PCSK2: variants seen among roughly 807,000 people sequenced by gnomAD.
PCSK2 encodes neuroendocrine convertase 2.
In PCSK2, 14 loss-of-function variants were observed where a neutral mutation model predicts 69.7. That is an observed-to-expected ratio of 0.20 (90% CI 0.13 to 0.31). PCSK2 has a LOEUF of 0.31. PCSK2 is among the 10% of genes least tolerant of loss of function. The pLI is 1.00. For missense variants in PCSK2, 544 were observed against 842.5 expected (o/e 0.65, Z 4.39); for synonymous variants, 307 against 320.7 (o/e 0.96, Z 0.46).
chr20:17,383,052 C>T (rs575750134), intron 5 of PCSK2, among the ~76,000 whole-genome samples: 172 of 152,294 alleles, frequency 1.1e-3, no homozygotes, highest in South Asian at 2.7e-3. Context: ...GAGGATGAGG[C>T]CACGGGGATC....
chr20:17,246,061 C>A (rs1243470011), intron 1 of PCSK2, among the ~76,000 whole-genome samples: 1 of 152,148 alleles, frequency 6.6e-6, no homozygotes. Context: ...ATTTACTCAG[C>A]AGGTATCTAT....
chr20:17,482,032 G>C lies in PCSK2; in HGVS notation c.1879G>C (p.Val627Leu). The change falls in exon 12 of 12, where the codon GTG (valine) becomes CTG (leucine). Residue 627 changes from valine to leucine, a missense_variant. Val to Leu is a conservative substitution (Grantham distance 32). Transcript: ENST00000262545. ...EELEEELDEA[V>L]ERSLKSILNK... ...GCTGGAGGAAGAGCTGGACGAAGCC[G>C]TGGAGAGAAGCCTGAAAAGCATCCT... 1 of 1,605,580 alleles carries C rather than the reference G, an allele frequency of 6.2e-7. No individual in the cohort carries two copies. The highest frequency in any genetic ancestry group is 8.5e-7 in the Non-Finnish European group (1 of 1,177,064).
intron 8 of PCSK2, among the ~76,000 whole-genome samples, chr20:17,450,295 TG>T (rs2123376062): frequency 6.6e-6 from 1 of 152,260 alleles, no homozygotes; most frequent in African/African-American, 2.4e-5. Flanking sequence ...CCCAAAGTGC[TG>T]GGATTACAGG....
Position 17,483,595 on chromosome 20 carries a change from A to G in PCSK2, c.*1525A>G, listed in dbSNP as rs1230021743. 6.6e-6 allele frequency: 1 copy of G among 152,226 alleles called. No homozygotes were observed. The highest frequency in any genetic ancestry group is 1.5e-5 in the Non-Finnish European group (1 of 68,022). The allele number at this position is 152,226 out of a possible 1,614,324, so 9.4% of individuals were successfully genotyped here. ...CTTCAAGCCAGCAACACAGAGCACT[A>G]GGTTCAATTCCCTGAAGGTGGCCAC... is the stretch of plus-strand genomic sequence containing the variant. On this transcript the variant is annotated 3_prime_UTR_variant, in exon 12 of 12. Coordinates refer to ENST00000262545, the MANE Select transcript of PCSK2 (RefSeq NM_002594.5).
chr20:17,427,763 TGA>T (rs567969091), intron 6 of PCSK2, among the ~76,000 whole-genome samples: 150 of 152,294 alleles, frequency 9.8e-4, no homozygotes, highest in African/African-American at 3.5e-3. Context: ...TGGTTTAGGA[TGA>T]CCTCACTCAC....
chr20:17,444,496 TG>T (rs1335951896), intron 8 of PCSK2, among the ~76,000 whole-genome samples: 1 of 152,208 alleles, frequency 6.6e-6, no homozygotes, highest in East Asian at 1.9e-4. Context: ...GTCTATGTGT[TG>T]GGTTTACAGT....
chr20:17,462,660 G>A (rs1431067063), intron 10 of PCSK2, among the ~76,000 whole-genome samples: 1 of 152,178 alleles, frequency 6.6e-6, no homozygotes, highest in Non-Finnish European at 1.5e-5. Context: ...GAGTTAGCAC[G>A]ATGCCTGAAT....
chr20:17,328,983 A>T (rs1444341513), intron 2 of PCSK2, among the ~76,000 whole-genome samples: 1 of 152,202 alleles, frequency 6.6e-6, no homozygotes, highest in African/African-American at 2.4e-5. Flanking sequence ...GATGAATTAG[A>T]GTTCTTTGGT....
At chr20:17,422,766 G>A (rs1189052032) in intron 6 of PCSK2, among the ~76,000 whole-genome samples, 3 of 152,150 alleles carry the variant, frequency 2.0e-5, no homozygotes, top group Non-Finnish European at 4.4e-5. Context: ...TGAGATTGTA[G>A]GGTTAGCATA....
intron 6 of PCSK2, among the ~76,000 whole-genome samples, chr20:17,410,487 C>T (rs1350346585): frequency 1.3e-5 from 2 of 151,982 alleles, no homozygotes; most frequent in Middle Eastern, 3.2e-3. Context: ...GTTCTGAGTA[C>T]AAATGCAGAA....
chr20:17,265,327 A>G (rs1987555548), intron 2 of PCSK2, among the ~76,000 whole-genome samples: 2 of 152,144 alleles, frequency 1.3e-5, no homozygotes, highest in African/African-American at 4.8e-5. Context: ...GTGCCTTTTT[A>G]AGGGATTTAT....
intron 5 of PCSK2, among the ~76,000 whole-genome samples, chr20:17,401,347 G>C (rs567203685): frequency 1.3e-5 from 2 of 152,276 alleles, no homozygotes; most frequent in East Asian, 1.9e-4. Context: ...GTGAAGGCCT[G>C]TTCCTCATAC....
chr20:17,347,943 AGAAAGAAAGAAAG>A, intron 2 of PCSK2, among the ~76,000 whole-genome samples: 1 of 29,558 alleles, frequency 3.4e-5, no homozygotes, highest in Non-Finnish European at 7.2e-5. Context: ...AGAGAAAGAA[AGAAAGAAAGAAAG>A]AAAGAGAAAG....
intron 2 of PCSK2, among the ~76,000 whole-genome samples, chr20:17,334,713 T>G (rs919059592): frequency 6.6e-6 from 1 of 152,170 alleles, no homozygotes; most frequent in Non-Finnish European, 1.5e-5. Flanking sequence ...GTAGAAGACC[T>G]GGAACCACAG....
At chr20:17,328,518 A>G (rs1013796288) in intron 2 of PCSK2, among the ~76,000 whole-genome samples, 10 of 151,736 alleles carry the variant, frequency 6.6e-5, no homozygotes, top group African/African-American at 2.2e-4. Flanking sequence ...AATTTAGTAC[A>G]TATTTATTAG....
At chr20:17,422,124 A>T (rs2032144626) in intron 6 of PCSK2, among the ~76,000 whole-genome samples, 1 of 152,220 alleles carries the variant, frequency 6.6e-6, no homozygotes, top group Non-Finnish European at 1.5e-5. Context: ...TGAAAAATAC[A>T]GCCTGTGGAA....
intron 8 of PCSK2, among the ~76,000 whole-genome samples, chr20:17,446,551 C>T (rs2032702354): frequency 1.3e-5 from 2 of 152,160 alleles, no homozygotes; most frequent in South Asian, 2.1e-4. Context: ...ATTTAGCAAG[C>T]AGCAGCAATG....
intron 2 of PCSK2, among the ~76,000 whole-genome samples, chr20:17,308,227 C>T (rs1989390113): frequency 6.6e-6 from 1 of 152,208 alleles, no homozygotes; most frequent in East Asian, 1.9e-4. Flanking sequence ...GGGAAACCCA[C>T]TCCCCTGACC....
intron 2 of PCSK2, among the ~76,000 whole-genome samples, chr20:17,278,647 C>A (rs1223608928): frequency 1.3e-5 from 2 of 152,032 alleles, no homozygotes; most frequent in Non-Finnish European, 2.9e-5. Context: ...GTGCAGCACA[C>A]CAACATGGCA....
Sources: gnomAD v4.1 joint callset for allele counts (sites outside exome capture counted in the v4.1 genomes callset) on GRCh38, gnomAD v4.1.1 for gene constraint, MANE v1.5 for transcripts, NCBI Gene and HGNC (gene_info 2026-07-23, HGNC 2026-07-21) for gene names.